LPIN1: variants seen among roughly 807,000 people sequenced by gnomAD.
LPIN1 encodes lipin 1, also known as phosphatidate phosphatase LPIN1.
In LPIN1, 71 loss-of-function variants were observed where a neutral mutation model predicts 107.5. The observed-to-expected ratio is 0.66, with a 90% CI of 0.55 to 0.80. The LOEUF is 0.80. Among genes scored for constraint, LPIN1 ranks in the 30% least tolerant of loss-of-function variants. LPIN1 has a pLI of 0.00. For missense variants in LPIN1, 1,043 were observed against 1,160.6 expected, an observed-to-expected ratio of 0.90 and a Z score of 1.47; for synonymous variants, 445 against 452.6, an observed-to-expected ratio of 0.98 and a Z score of 0.21.
At chr2:11,681,882 G>A (rs147512471) in intron 1 of LPIN1, among the ~76,000 whole-genome samples, 1 of 152,262 alleles carries the variant, frequency 6.6e-6, no homozygotes, top group Non-Finnish European at 1.5e-5. Flanking sequence ...CTCTCCTCTG[G>A]GGCCCCTTTC....
intron 1 of LPIN1, among the ~76,000 whole-genome samples, chr2:11,698,520 C>T (rs958270201): frequency 5.3e-5 from 8 of 152,148 alleles, no homozygotes; most frequent in Non-Finnish European, 1.0e-4. Context: ...GCAGAAGAAC[C>T]CACTCACGTG....
At position 11,779,567 on chromosome 2, in the gene LPIN1, C is replaced by A; in HGVS notation, c.879C>A (p.Val293=). 1 of 1,614,040 alleles carries A rather than the reference C, an allele frequency of 6.2e-7. No individual in the cohort carries two copies. The highest frequency in any genetic ancestry group is 1.1e-5 in the South Asian group (1 of 91,036). ...PSTPKSDSEL[V]SKSTERTGQK... Reference sequence around the variant, plus strand: ...CACCTAAAAGTGATTCAGAATTGGTCAGCAAGTCCACGGAAAGGACAGGGC... The same window carrying A: ...CACCTAAAAGTGATTCAGAATTGGTAAGCAAGTCCACGGAAAGGACAGGGC... Residue 293 remains valine, a synonymous_variant, in exon 7 of 21, where the codon GTC becomes GTA. Transcript: ENST00000674199.
At chr2:11,722,140 GC>G (rs1426264286), upstream of LPIN1, 2 of 152,208 alleles carry the variant, frequency 1.3e-5, no homozygotes, top group African/African-American at 4.8e-5. Flanking sequence ...CCCCTCCACA[GC>G]CCCTTTCCAA....
At chr2:11,698,448 A>G (rs1280264275) in intron 1 of LPIN1, among the ~76,000 whole-genome samples, 1 of 152,232 alleles carries the variant, frequency 6.6e-6, no homozygotes, top group African/African-American at 2.4e-5. Flanking sequence ...AGCAGGGACA[A>G]CACCACGTGG....
At chr2:11,818,139 C>T (rs1332634828) in intron 18 of LPIN1, 1 of 152,186 alleles carries the variant, frequency 6.6e-6, no homozygotes, top group African/African-American at 2.4e-5. Context: ...TTCCCAGCAT[C>T]GGAAGTGCTA....
chr2:11,779,548 A>G lies in LPIN1; in HGVS notation c.860A>G (p.Lys287Arg), dbSNP rs781125211. 2 of 1,614,006 alleles carry G rather than the reference A, an allele frequency of 1.2e-6. No individual in the cohort carries two copies. The highest frequency in any genetic ancestry group is 2.2e-5 in the East Asian group (1 of 44,882). Residue 287 changes from lysine to arginine, a missense_variant, in exon 7 of 21, where the codon AAA (lysine) becomes AGA (arginine). Physicochemically the swap from Lys to Arg is conservative, Grantham distance 26. Transcript: ENST00000674199. ...TCCGGTTCCCGACCTTCAACACCTA[A>G]AAGTGATTCAGAATTGGTCAGCAAG... is the stretch of plus-strand genomic sequence containing the variant. ...SPSGSRPSTPKSDSELVSKST... is the reference protein window; with the variant it reads ...SPSGSRPSTPRSDSELVSKST...
chr2:11,755,543 A>G (rs1668542142), intron 1 of LPIN1, among the ~76,000 whole-genome samples: 2 of 152,102 alleles, frequency 1.3e-5, no homozygotes, highest in South Asian at 2.1e-4. Flanking sequence ...TGATCAAGCT[A>G]CTGCCCTGGA....
At position 11,773,639 on chromosome 2, in the gene LPIN1, C is replaced by T. The variant is rs370440936; in HGVS notation, c.616C>T (p.Pro206Ser). ...ESSRTLPNDI[P>S]PFQDDIPEEN... ...CTCCAGAACTCTTCCTAATGATATA[C>T]CTCCATTCCAAGATGATATTCCTGA... is the stretch of plus-strand genomic sequence containing the variant. Residue 206 changes from proline to serine, a missense_variant, in exon 5 of 21, where the codon CCT becomes TCT. Physicochemically the swap from Pro to Ser is moderately conservative, Grantham distance 74 (BLOSUM62 -1). Coordinates refer to ENST00000674199, the MANE Select transcript of LPIN1 (RefSeq NM_001349206.2). 6.2e-7 allele frequency: 1 copy of T among 1,609,222 alleles called. No homozygotes were observed. Among genetic ancestry groups the T allele is most frequent in the Admixed American group, 1.7e-5 (1 of 59,962 alleles).
chr2:11,814,586 A>G (rs1392369053), intron 17 of LPIN1, among the ~76,000 whole-genome samples: 1 of 151,462 alleles, frequency 6.6e-6, no homozygotes, highest in Non-Finnish European at 1.5e-5. Flanking sequence ...GGATGAAATG[A>G]GAGATTGCAG....
intron 1 of LPIN1, among the ~76,000 whole-genome samples, chr2:11,689,186 T>C (rs1175980731): frequency 6.6e-6 from 1 of 152,232 alleles, no homozygotes; most frequent in Non-Finnish European, 1.5e-5. Context: ...TATTTTGTCC[T>C]ACCGATCCTT....
At chr2:11,746,853 G>A (rs921998131) in intron 1 of LPIN1, among the ~76,000 whole-genome samples, 182 bp downstream of exon 1, 8 of 152,084 alleles carry the variant, frequency 5.3e-5, no homozygotes, top group Non-Finnish European at 1.2e-4. Flanking sequence ...TGGTTCGGGG[G>A]AGGGAGGCGG....
chr2:11,802,301 G>T (rs1677890875), intron 14 of LPIN1, among the ~76,000 whole-genome samples: 2 of 152,162 alleles, frequency 1.3e-5, no homozygotes, highest in Non-Finnish European at 2.9e-5. Context: ...AAACAAAAAA[G>T]TCTAGAAGAG....
intron 1 of LPIN1, among the ~76,000 whole-genome samples, chr2:11,753,187 C>T (rs1668127999): frequency 3.4e-5 from 5 of 145,750 alleles, no homozygotes; most frequent in Admixed American, 3.4e-4. Context: ...CAAAATTTCC[C>T]ACCTGCCTAA....
chr2:11,797,197 C>T (rs1676873773), intron 14 of LPIN1, among the ~76,000 whole-genome samples: 1 of 152,248 alleles, frequency 6.6e-6, no homozygotes, highest in African/African-American at 2.4e-5. Flanking sequence ...TAGCACAGAG[C>T]AGGATGTACA....
At chr2:11,732,915 G>C (rs531289859) in intron 1 of LPIN1, among the ~76,000 whole-genome samples, 25 of 150,072 alleles carry the variant, frequency 1.7e-4, no homozygotes, top group South Asian at 4.2e-4. Context: ...CTCTCTCTGT[G>C]TGTGTGTGTG....
At chr2:11,784,422 G>C in intron 9 of LPIN1, 1 of 1,118,656 alleles carries the variant, frequency 8.9e-7, no homozygotes, top group Non-Finnish European at 1.1e-6. Context: ...CCCACCTCTG[G>C]ACAGGGGCGC....
chr2:11,747,765 G>A (rs1268873549), intron 1 of LPIN1, among the ~76,000 whole-genome samples: 1 of 152,232 alleles, frequency 6.6e-6, no homozygotes, highest in East Asian at 1.9e-4. Flanking sequence ...CTTGTTGAAA[G>A]GTGTAACAGT....
chr2:11,809,742 A>G (rs1312522294), intron 17 of LPIN1, among the ~76,000 whole-genome samples: 3 of 152,060 alleles, frequency 2.0e-5, no homozygotes, highest in Non-Finnish European at 4.4e-5. Context: ...TCCTGCCCGC[A>G]GCAGTTATTT....
chr2:11,680,836 T>C (rs563194752), intron 1 of LPIN1, among the ~76,000 whole-genome samples: 72 of 152,166 alleles, frequency 4.7e-4, no homozygotes, highest in Non-Finnish European at 7.5e-4. Context: ...ACGGGCCGAA[T>C]ATGTAAGACC....
Sources: gnomAD v4.1 joint callset for allele counts (sites outside exome capture counted in the v4.1 genomes callset) on GRCh38, gnomAD v4.1.1 for gene constraint, MANE v1.5 for transcripts, NCBI Gene and HGNC (gene_info 2026-07-23, HGNC 2026-07-21) for gene names.